Variants in GRID2 observed in about 807,000 individuals in gnomAD.
GRID2 encodes the protein glutamate ionotropic receptor delta type subunit 2.
GRID2 carries 33 observed loss-of-function variants against 114.8 expected under a neutral mutation model. The observed-to-expected ratio is 0.29, with a 90% CI of 0.22 to 0.38. GRID2 has a LOEUF of 0.38. Ranked by LOEUF, GRID2 falls within the 10% of genes least tolerant of loss-of-function variation. The pLI is 1.00. For missense variants in GRID2, 1,184 were observed against 1,257.7 expected, an observed-to-expected ratio of 0.94 and a Z score of 0.89; for synonymous variants, 505 against 449.9, an observed-to-expected ratio of 1.12 and a Z score of -1.55.
intron 2 of GRID2, among the ~76,000 whole-genome samples, chr4:92,611,619 T>C (rs1033527552): frequency 6.6e-6 from 1 of 151,646 alleles, no homozygotes; most frequent in African/African-American, 2.4e-5. Flanking sequence ...GATACATTAA[T>C]GTTTACCTTC....
chr4:93,524,631 A>G (rs1730649454), intron 13 of GRID2, among the ~76,000 whole-genome samples: 1 of 151,730 alleles, frequency 6.6e-6, no homozygotes, highest in Non-Finnish European at 1.5e-5. Flanking sequence ...TCATTGTGAC[A>G]CATGTAAAGT....
chr4:93,523,986 T>C (rs1269819174), intron 13 of GRID2, among the ~76,000 whole-genome samples: 1 of 152,070 alleles, frequency 6.6e-6, no homozygotes, highest in Non-Finnish European at 1.5e-5. Flanking sequence ...CTCCTAGAGC[T>C]ATAAGCATCA....
intron 2 of GRID2, among the ~76,000 whole-genome samples, chr4:92,921,130 G>C (rs1749287197): frequency 6.6e-6 from 1 of 152,096 alleles, no homozygotes; most frequent in Admixed American, 6.6e-5. Context: ...CTTTCTTCCA[G>C]TTGATCGCGT....
At chr4:93,176,839 CAT>C (rs752122736) in intron 4 of GRID2, among the ~76,000 whole-genome samples, 33 of 152,238 alleles carry the variant, frequency 2.2e-4, no homozygotes, top group African/African-American at 4.6e-4. Flanking sequence ...GGGAATATCT[CAT>C]GTGTGTGTGA....
At chr4:93,411,253 C>T (rs1028366895) in intron 9 of GRID2, among the ~76,000 whole-genome samples, 10 of 152,008 alleles carry the variant, frequency 6.6e-5, no homozygotes, top group African/African-American at 2.4e-4. Context: ...AACTATTGAG[C>T]ATGAATACAC....
In GRID2 at chr4:93,470,642, A is replaced by G. The variant is rs567547315; in HGVS notation, c.1858+14668A>G. Among the ~76,000 whole-genome samples the G allele has an allele frequency of 3.3e-5, 5 of 152,222 alleles. No homozygotes were observed. The South Asian group carries it at 6.2e-4, about 19-fold the overall frequency. ...CATACGTGTGTGTATACGCACACATATATCTTATTTCTCCTTTAGGGGACG... is the reference window on the plus strand; with the variant it reads ...CATACGTGTGTGTATACGCACACATGTATCTTATTTCTCCTTTAGGGGACG... On this transcript the variant is annotated intron_variant, in intron 11 of 15. Coordinates refer to ENST00000282020, the MANE Select transcript of GRID2 (RefSeq NM_001510.4).
chr4:93,204,075 T>C (rs1742403176), intron 4 of GRID2: 1 of 152,184 alleles, frequency 6.6e-6, no homozygotes, highest in Non-Finnish European at 1.5e-5. Context: ...TTGACTTTGC[T>C]TAAAAATTGA....
chr4:93,173,422 G>A (rs1287344181), intron 4 of GRID2, among the ~76,000 whole-genome samples: 1 of 151,844 alleles, frequency 6.6e-6, no homozygotes, highest in Admixed American at 6.6e-5. Context: ...CAGGAAGGAA[G>A]GAAGGAAAGA....
intron 3 of GRID2, among the ~76,000 whole-genome samples, chr4:93,092,459 T>A (rs915848965): frequency 2.0e-5 from 3 of 152,090 alleles, no homozygotes; most frequent in Non-Finnish European, 2.9e-5. Context: ...CTTTCCCTAC[T>A]AGGATACAAG....
At chr4:92,796,055 A>AT (rs949325787) in intron 2 of GRID2, among the ~76,000 whole-genome samples, 62 of 152,002 alleles carry the variant, frequency 4.1e-4, no homozygotes, top group African/African-American at 1.1e-3. Context: ...GGAATTATGG[A>AT]TTTTTTTATA....
chr4:92,399,190 C>T (rs1049570357), intron 1 of GRID2, among the ~76,000 whole-genome samples: 4 of 152,102 alleles, frequency 2.6e-5, no homozygotes, highest in African/African-American at 7.2e-5. Context: ...TTTCTGCATC[C>T]TACCGTAATA....
rs901069885 is a variant in GRID2, at chr4:93,205,213, GT to G, written c.736-2181del. On this transcript the variant is annotated intron_variant, in intron 4 of 15. Transcript: ENST00000282020. ...AGGATTACCATTACTGGTATAAAGT[GT>G]TTTTTTTTTATTTTTTTTTAGCTAA... 8.4e-3 allele frequency among the ~76,000 whole-genome samples: 1,240 copies of G among 146,848 alleles called. 7 individuals carry two copies. Among genetic ancestry groups the G allele is most frequent in the Middle Eastern group, 0.011 (3 of 266 alleles).
downstream of GRID2, among the ~76,000 whole-genome samples, chr4:93,775,638 C>T (rs945676996): frequency 6.6e-6 from 1 of 152,242 alleles, no homozygotes; most frequent in African/African-American, 2.4e-5. Context: ...GGCTATTTCA[C>T]TACAAGACAA....
chr4:93,015,936 T>C (rs988696909), intron 2 of GRID2, among the ~76,000 whole-genome samples: 1 of 152,040 alleles, frequency 6.6e-6, no homozygotes, highest in Non-Finnish European at 1.5e-5. Flanking sequence ...GATAAGCACA[T>C]GTAAATAACA....
chr4:92,405,752 G>A (rs1730997534), intron 1 of GRID2, among the ~76,000 whole-genome samples: 1 of 151,648 alleles, frequency 6.6e-6, no homozygotes, highest in Admixed American at 6.6e-5. Context: ...ACTATTTCAT[G>A]AGGTCTTATT....
chr4:92,755,829 CAT>C (rs1488190841), intron 2 of GRID2, among the ~76,000 whole-genome samples: 1 of 152,044 alleles, frequency 6.6e-6, no homozygotes, highest in African/African-American at 2.4e-5. Flanking sequence ...GTTATATTTA[CAT>C]GTTTTTATTG....
intron 2 of GRID2, among the ~76,000 whole-genome samples, chr4:92,899,349 A>G (rs1390120088): frequency 6.6e-6 from 1 of 151,708 alleles, no homozygotes; most frequent in Admixed American, 6.6e-5. Flanking sequence ...TTTCTGGTTC[A>G]TTGTCTTGGA....
chr4:92,713,047 C>T (rs966825984), intron 2 of GRID2, among the ~76,000 whole-genome samples: 1 of 150,924 alleles, frequency 6.6e-6, no homozygotes, highest in Admixed American at 6.6e-5. Flanking sequence ...GCACAACGTG[C>T]AGATTAGTTA....
At chr4:92,377,888 G>A (rs1729430277) in intron 1 of GRID2, among the ~76,000 whole-genome samples, 2 of 152,110 alleles carry the variant, frequency 1.3e-5, no homozygotes, top group African/African-American at 4.8e-5. Flanking sequence ...TCCACAACAT[G>A]TGTGACTTCA....
Sources: allele counts gnomAD v4.1 joint callset (sites outside exome capture counted in the v4.1 genomes callset), GRCh38; gene constraint gnomAD v4.1.1; transcripts MANE v1.5; gene names NCBI Gene and HGNC (gene_info 2026-07-23, HGNC 2026-07-21).